The following ADAMTS6 variants were observed in gnomAD, a reference collection of about 807,000 sequenced individuals.
The protein encoded by ADAMTS6 is ADAM metallopeptidase with thrombospondin type 1 motif 6, also known as A disintegrin and metalloproteinase with thrombospondin motifs 6.
Under a neutral mutation model 144.3 loss-of-function variants are expected in ADAMTS6, and 23 were observed. That is an observed-to-expected ratio of 0.16 (90% CI 0.11 to 0.23). The LOEUF is 0.23. Ranked by LOEUF, ADAMTS6 falls within the 10% of genes least tolerant of loss-of-function variation. The pLI is 1.00. For synonymous variants in ADAMTS6, 444 were observed against 457.5 expected (o/e 0.97, Z 0.38); for missense variants, 999 against 1,379.6 (o/e 0.72, Z 4.37).
chr5:65,163,334 G>A (rs904736043), intron 24 of ADAMTS6, among the ~76,000 whole-genome samples: 7 of 151,948 alleles, frequency 4.6e-5, no homozygotes, highest in African/African-American at 1.7e-4. Context: ...AATCTAAAGG[G>A]ACAAAAAAGA....
intron 22 of ADAMTS6, among the ~76,000 whole-genome samples, chr5:65,182,818 A>T (rs1754445932): frequency 6.6e-6 from 1 of 152,198 alleles, no homozygotes. Flanking sequence ...TTTATCTTAT[A>T]GTAACAGAGG....
intron 20 of ADAMTS6, among the ~76,000 whole-genome samples, chr5:65,213,076 C>A (rs951253647): frequency 1.3e-5 from 2 of 152,092 alleles, no homozygotes; most frequent in Non-Finnish European, 2.9e-5. Flanking sequence ...CAATTAGTTG[C>A]AAATATTTCT....
chr5:65,431,514 A>G (rs1420022145), intron 7 of ADAMTS6, among the ~76,000 whole-genome samples: 1 of 152,194 alleles, frequency 6.6e-6, no homozygotes. Context: ...TAAACTAACC[A>G]TAAGACAGGA....
chr5:65,204,568 T>C (rs769536027), intron 20 of ADAMTS6, among the ~76,000 whole-genome samples: 14 of 152,118 alleles, frequency 9.2e-5, no homozygotes, highest in Non-Finnish European at 2.1e-4. Context: ...AGGAGGGAAT[T>C]GTGGGAGAGA....
At chr5:65,336,901 T>A (rs962670082) in intron 7 of ADAMTS6, among the ~76,000 whole-genome samples, 13 of 151,918 alleles carry the variant, frequency 8.6e-5, no homozygotes, top group Non-Finnish European at 1.8e-4. Flanking sequence ...TAAAAAAAAA[T>A]TTATATGTGG....
At chr5:65,296,609 G>A (rs1041870995) in intron 10 of ADAMTS6, among the ~76,000 whole-genome samples, 3 of 152,154 alleles carry the variant, frequency 2.0e-5, no homozygotes, top group Admixed American at 6.5e-5. Flanking sequence ...ATAGTCTGAT[G>A]TTGACCTTTG....
intron 7 of ADAMTS6, among the ~76,000 whole-genome samples, chr5:65,395,133 A>G (rs1753230111): frequency 1.3e-5 from 2 of 152,128 alleles, no homozygotes; most frequent in South Asian, 4.1e-4. Flanking sequence ...TACTCTAATC[A>G]CTGACCATGT....
intron 7 of ADAMTS6, among the ~76,000 whole-genome samples, chr5:65,381,048 CAT>C (rs1554080404): frequency 6.6e-6 from 1 of 152,114 alleles, no homozygotes; most frequent in Non-Finnish European, 1.5e-5. Flanking sequence ...AAATGATAAA[CAT>C]AATTATAACC....
chr5:65,326,620 G>A (rs534635533), intron 9 of ADAMTS6, among the ~76,000 whole-genome samples: 1 of 152,234 alleles, frequency 6.6e-6, no homozygotes, highest in Admixed American at 6.5e-5. Context: ...GTAGTTTATG[G>A]TCAAATATTC....
intron 7 of ADAMTS6, among the ~76,000 whole-genome samples, chr5:65,416,587 A>C (rs1051892952): frequency 6.6e-5 from 10 of 151,994 alleles, no homozygotes; most frequent in African/African-American, 1.7e-4. Context: ...GTATATCCCC[A>C]AAAATTAGCC....
At chr5:65,393,531 CTCTACAA>C (rs1283577988) in intron 7 of ADAMTS6, among the ~76,000 whole-genome samples, 5 of 152,244 alleles carry the variant, frequency 3.3e-5, no homozygotes, top group Admixed American at 6.5e-5. Flanking sequence ...GTAAACAGAT[CTCTACAA>C]TTTTTGAATT....
intron 7 of ADAMTS6, among the ~76,000 whole-genome samples, chr5:65,414,803 T>C (rs1755361650): frequency 6.6e-6 from 1 of 152,154 alleles, no homozygotes; most frequent in Non-Finnish European, 1.5e-5. Flanking sequence ...ACTCTTTGTC[T>C]CCATCTCACA....
At chr5:65,267,012 T>C (rs918885221) in intron 12 of ADAMTS6, among the ~76,000 whole-genome samples, 2 of 152,022 alleles carry the variant, frequency 1.3e-5, no homozygotes, top group African/African-American at 4.8e-5. Flanking sequence ...AAGAGTTTAA[T>C]GTGTGTAAAT....
chr5:65,435,724 C>A (rs570887592), intron 7 of ADAMTS6, among the ~76,000 whole-genome samples: 3 of 151,832 alleles, frequency 2.0e-5, no homozygotes, highest in African/African-American at 7.2e-5. Context: ...CTCCTGGGTT[C>A]GAGCGATTCT....
chr5:65,278,024 C>G (rs897477217), intron 11 of ADAMTS6, among the ~76,000 whole-genome samples: 1 of 138,870 alleles, frequency 7.2e-6, no homozygotes, highest in African/African-American at 2.6e-5. Context: ...TTATATCACT[C>G]TGTATGCCTC....
chr5:65,381,529 ATTTTTTT>A (rs748143650), intron 7 of ADAMTS6, among the ~76,000 whole-genome samples: 3,833 of 103,020 alleles, frequency 0.037, 136 homozygotes, highest in African/African-American at 0.12. Flanking sequence ...TGCCTGGCTA[ATTTTTTT>A]TTTTTTTTTT....
intron 7 of ADAMTS6, among the ~76,000 whole-genome samples, chr5:65,422,907 C>T (rs1022413795): frequency 6.6e-6 from 1 of 152,066 alleles, no homozygotes; most frequent in South Asian, 2.1e-4. Context: ...GTTCTAAGTT[C>T]CCATCAAACG....
chr5:65,365,425 C>G (rs1002279440), intron 7 of ADAMTS6, among the ~76,000 whole-genome samples: 1 of 152,130 alleles, frequency 6.6e-6, no homozygotes, highest in Admixed American at 6.6e-5. Context: ...GCAGGCAGAT[C>G]ACCTGAGGTC....
At chr5:65,349,954 A>G (rs1328831827) in intron 7 of ADAMTS6, among the ~76,000 whole-genome samples, 1 of 152,198 alleles carries the variant, frequency 6.6e-6, no homozygotes, top group African/African-American at 2.4e-5. Flanking sequence ...TGTAACTTTA[A>G]TTACATTACT....
Sources: allele counts gnomAD v4.1 joint callset (sites outside exome capture counted in the v4.1 genomes callset), GRCh38; gene constraint gnomAD v4.1.1; transcripts MANE v1.5; gene names NCBI Gene and HGNC (gene_info 2026-07-23, HGNC 2026-07-21).